The following SLC29A2 variants were observed in gnomAD, a reference collection of about 807,000 sequenced individuals.
SLC29A2 encodes solute carrier family 29 member 2.
Under a neutral mutation model 48.8 loss-of-function variants are expected in SLC29A2, and 37 were observed. The ratio of observed to expected loss-of-function variants is 0.76; its 90% CI spans 0.58 to 1.00. The LOEUF (loss-of-function observed/expected upper bound fraction) is 1.00. SLC29A2 is among the 50% of genes least tolerant of loss of function. The probability of loss-of-function intolerance (pLI) is 0.00; values close to 1 mark genes in which losing one functional copy is unlikely to be tolerated. For missense variants in SLC29A2, 533 were observed against 578.6 expected, an observed-to-expected ratio of 0.92 and a Z score of 0.81; for synonymous variants, 233 against 261.7, an observed-to-expected ratio of 0.89 and a Z score of 1.06.
rs1381486371 is a variant in SLC29A2, at chr11:66,371,675, G to T, written c.-84C>A. 16 of 1,375,018 alleles carry T rather than the reference G, an allele frequency of 1.2e-5. No homozygotes were observed. The highest frequency in any genetic ancestry group is 1.4e-5 in the Non-Finnish European group (14 of 1,011,174). 85.2% of individuals were successfully genotyped at this position (1,375,018 alleles called of 1,614,324 possible). A position where few individuals can be genotyped will look rare whatever the true frequency, so the allele number is the denominator to read the frequency against. On this transcript the variant is annotated 5_prime_UTR_variant, in exon 1 of 12. Transcript: ENST00000357440. ...CGCTGGGGCGGAGGGCCGCAGACCGGTGGGGCGGGGGGCGGGTCTCCCCAG... is the reference window on the plus strand; with the variant it reads ...CGCTGGGGCGGAGGGCCGCAGACCGTTGGGGCGGGGGGCGGGTCTCCCCAG...
intron 7 of SLC29A2, 25 bp from the exon 8 acceptor site, chr11:66,366,589 G>T (rs767514594): frequency 2.5e-6 from 4 of 1,609,748 alleles, no homozygotes; most frequent in Non-Finnish European, 3.4e-6. Context: ...GACGGGGAAG[G>T]GTCATGCTTG....
intron 10 of SLC29A2, chr11:66,364,660 A>C: frequency 2.2e-6 from 1 of 449,916 alleles, no homozygotes; most frequent in Non-Finnish European, 4.0e-6. Context: ...GCCTGCCACC[A>C]CCATGCCCAG....
chr11:66,367,295 C>A (rs1427324667), intron 7 of SLC29A2, among the ~76,000 whole-genome samples, 169 bp downstream of exon 7: 4 of 152,190 alleles, frequency 2.6e-5, no homozygotes, highest in African/African-American at 9.7e-5. Flanking sequence ...GAGGCCCAAA[C>A]AACAGCAGGG....
rs527964669 is a variant in SLC29A2, at chr11:66,371,182, A to G, written c.111+62T>C. 1.3e-5 allele frequency: 20 copies of G among 1,482,968 alleles called. No homozygotes were observed. The African/African-American group carries it at 2.6e-4, about 19-fold the overall frequency. The allele number at this position is 1,482,968 out of a possible 1,614,324, so 91.9% of individuals were successfully genotyped here. On this transcript the variant is annotated intron_variant, in intron 2 of 11. Coordinates refer to ENST00000357440, the MANE Select transcript of SLC29A2 (RefSeq NM_001532.3). ...GGAAGCGCCCGCTAAGCTTCATCCA[A>G]AGGGCTGGAGGGAGGGGTGCTGGCT... is the stretch of plus-strand genomic sequence containing the variant.
intron 2 of SLC29A2, 105 bp downstream of exon 2, chr11:66,371,139 G>T: frequency 1.0e-6 from 1 of 973,018 alleles, no homozygotes; most frequent in Non-Finnish European, 1.6e-6. Context: ...TCAACGAGGG[G>T]TCACAGGTGC....
At position 66,363,542 on chromosome 11, in the gene SLC29A2, A is replaced by C; in HGVS notation, c.1265T>G (p.Val422Gly). ...SLTMCLAPRQ[V>G]LPHEREVAGA... Reference sequence around the variant, plus strand: ...GGCCACCTCCCTCTCGTGTGGCAGCACCTGCCTAGAACACCCGGGAACAGG... The same window carrying C: ...GGCCACCTCCCTCTCGTGTGGCAGCCCCTGCCTAGAACACCCGGGAACAGG... Residue 422 changes from valine to glycine, a missense_variant, in exon 12 of 12, where the codon GTG (valine) becomes GGG (glycine). Physicochemically the swap from Val to Gly is moderately radical, Grantham distance 109. Transcript: ENST00000357440. 7.4e-6 allele frequency: 12 copies of C among 1,611,846 alleles called. No homozygotes were observed. The highest frequency in any genetic ancestry group is 1.0e-5 in the Non-Finnish European group (12 of 1,178,734).
At chr11:66,366,651 T>A in intron 7 of SLC29A2, 87 bp from the exon 8 acceptor site, 1 of 1,471,064 alleles carries the variant, frequency 6.8e-7, no homozygotes, top group Non-Finnish European at 9.4e-7. Flanking sequence ...TCCCAGCAGT[T>A]AAAACAAGTG....
chr11:66,368,363 C>T (rs1342552892), intron 5 of SLC29A2, among the ~76,000 whole-genome samples, 174 bp downstream of exon 5: 3 of 152,158 alleles, frequency 2.0e-5, no homozygotes, highest in Non-Finnish European at 2.9e-5. Flanking sequence ...GTTATTACTC[C>T]TCACTGCAGG....
Position 66,366,171 on chromosome 11 carries a change from C to A in SLC29A2, c.928G>T (p.Ala310Ser). 6.2e-7 allele frequency: 1 copy of A among 1,614,178 alleles called. No homozygotes were observed. Among genetic ancestry groups the A allele is most frequent in the South Asian group, 1.1e-5 (1 of 91,086 alleles). The change falls in exon 9 of 12, where the codon GCC becomes TCC. Residue 310 changes from alanine (A) to serine (S), a missense_variant. By Grantham distance (99) the Ala-to-Ser change is moderately conservative. Transcript: ENST00000357440. Reference protein sequence around the residue: ...VFTVTLSVFPAITAMVTSSTS... With the variant: ...VFTVTLSVFPSITAMVTSSTS... ...GAGCTGGTCACCATGGCTGTGATGG[C>A]GGGGAAGACGGACAGGGTGACTGTG...
At chr11:66,365,827 C>T in intron 10 of SLC29A2, 109 bp downstream of exon 10, 1 of 1,051,468 alleles carries the variant, frequency 9.5e-7, no homozygotes, top group South Asian at 1.3e-5. Flanking sequence ...CCAGTGGTTG[C>T]ATTACCAGGC....
At chr11:66,365,773 C>G (rs1013977022) in intron 10 of SLC29A2, among the ~76,000 whole-genome samples, 163 bp downstream of exon 10, 1 of 152,226 alleles carries the variant, frequency 6.6e-6, no homozygotes, top group Non-Finnish European at 1.5e-5. Context: ...AGTGCAAGCC[C>G]TGGCCTGCAC....
rs985019875 is a variant in SLC29A2 at position 66,362,810 on chromosome 11, G to T, written c.*626C>A. On this transcript the variant is annotated 3_prime_UTR_variant, in exon 12 of 12. Transcript: ENST00000357440. ...CAATTAGGCTTCGGTGAGAGAGTGG[G>T]TATGGAAGAGCTTTGCAAACTGTAA... 6.4e-6 allele frequency: 1 copy of T among 155,824 alleles called. No homozygotes were observed. The highest frequency in any genetic ancestry group is 2.4e-5 in the African/African-American group (1 of 41,474). 9.7% of individuals were successfully genotyped at this position (155,824 alleles called of 1,614,324 possible). A position where few individuals can be genotyped will look rare whatever the true frequency, so the allele number is the denominator to read the frequency against.
At chr11:66,367,915 G>A (rs1224374155) in intron 5 of SLC29A2, 46 bp from the exon 6 acceptor site, 16 of 1,493,544 alleles carry the variant, frequency 1.1e-5, no homozygotes, top group Admixed American at 5.4e-5. Flanking sequence ...TGGTCCCGCC[G>A]GCTCCCACGG....
At position 66,365,969 on chromosome 11, in the gene SLC29A2, C is replaced by G; in HGVS notation, c.1026G>C (p.Trp342Cys). The G allele has an allele frequency of 6.2e-7, 1 of 1,614,222 alleles. No homozygotes were observed. The highest frequency in any genetic ancestry group is 8.5e-7 in the Non-Finnish European group (1 of 1,180,034). Residue 342 changes from tryptophan to cysteine, a missense_variant, in exon 10 of 12, where the codon TGG becomes TGC. Coordinates refer to ENST00000357440, the MANE Select transcript of SLC29A2 (RefSeq NM_001532.3). ...CCFLLFNIMDWLGRSLTSYFL... is the reference protein window; with the variant it reads ...CCFLLFNIMDCLGRSLTSYFL... ...AGTAAGAGGTCAGGCTCCGTCCCAGCCAGTCCATGATGTTGAAGAGGAGGA... is the reference window on the plus strand; with the variant it reads ...AGTAAGAGGTCAGGCTCCGTCCCAGGCAGTCCATGATGTTGAAGAGGAGGA...
chr11:66,368,759 C>A (rs1033277633), intron 4 of SLC29A2, 88 bp from the exon 5 acceptor site: 29 of 1,529,858 alleles, frequency 1.9e-5, no homozygotes, highest in Non-Finnish European at 2.6e-5. Context: ...ACACAGGGGA[C>A]TCTGGACAAG....
chr11:66,370,038 C>G (rs986483063), intron 2 of SLC29A2, among the ~76,000 whole-genome samples: 6 of 152,240 alleles, frequency 3.9e-5, no homozygotes, highest in Non-Finnish European at 8.8e-5. Context: ...AGATCCTAGT[C>G]TCCCTTTGTG....
chr11:66,369,079 G>T lies in SLC29A2; in HGVS notation c.396C>A (p.Ala132=). Residue 132 remains alanine, a synonymous_variant, in exon 4 of 12, where the codon GCC becomes GCA. Transcript: ENST00000357440. ...GCTCACAGTTGATGAAGCAGACGGA[G>T]GCCATGGTGATGGAGAAGAAGGGTC... ...SPGPFFSITM[A]SVCFINSFSA... 1 of 1,600,786 alleles carries T rather than the reference G, an allele frequency of 6.2e-7. No homozygotes were observed.
chr11:66,369,248 G>T (rs1358406424), intron 3 of SLC29A2, 49 bp from the exon 4 acceptor site: 1 of 1,583,088 alleles, frequency 6.3e-7, no homozygotes, highest in Non-Finnish European at 8.6e-7. Context: ...GCCAGAGGGG[G>T]CTGGGGAAGG....
upstream of SLC29A2, chr11:66,371,868 C>T (rs922036493): frequency 1.7e-5 from 9 of 529,880 alleles, no homozygotes; most frequent in Non-Finnish European, 3.0e-5. Context: ...CTGGCTCGGG[C>T]CCCGCCCCAC....
Sources: gnomAD v4.1 joint callset for allele counts (sites outside exome capture counted in the v4.1 genomes callset) on GRCh38, gnomAD v4.1.1 for gene constraint, MANE v1.5 for transcripts, NCBI Gene and HGNC (gene_info 2026-07-23, HGNC 2026-07-21) for gene names.